The following MYO1B variants were observed in gnomAD, a reference collection of about 807,000 sequenced individuals.
MYO1B encodes the protein myosin IB, also known as unconventional myosin-Ib.
A neutral mutation model predicts 159.7 loss-of-function variants in MYO1B; 72 were observed. The observed-to-expected ratio is 0.45, with a 90% CI of 0.37 to 0.55. The LOEUF is 0.55. Among genes scored for constraint, MYO1B ranks in the 20% least tolerant of loss-of-function variants. The pLI, the probability that MYO1B is intolerant of heterozygous loss-of-function variation, is 0.00. For missense variants in MYO1B, 1,062 were observed against 1,364.8 expected (o/e 0.78, Z 3.50); for synonymous variants, 468 against 473.8 (o/e 0.99, Z 0.16).
intron 7 of MYO1B, among the ~76,000 whole-genome samples, chr2:191,358,791 C>G (rs1330857735): frequency 6.6e-6 from 1 of 152,208 alleles, no homozygotes; most frequent in Non-Finnish European, 1.5e-5. Flanking sequence ...TGGCATCTCA[C>G]TGTGAAGAGA....
intron 7 of MYO1B, among the ~76,000 whole-genome samples, chr2:191,351,536 T>C (rs1490767044): frequency 6.6e-6 from 1 of 152,246 alleles, no homozygotes. Flanking sequence ...AATGATAGGA[T>C]TGAATTGGAT....
chr2:191,276,975 A>T lies in MYO1B; in HGVS notation c.80A>T (p.Asn27Ile). 1 of 1,614,082 alleles carries T rather than the reference A, an allele frequency of 6.2e-7. No homozygotes were observed. The highest frequency in any genetic ancestry group is 1.3e-5 in the African/African-American group (1 of 75,050). ...VGDMVLLEPL[N>I]EETFINNLKK... Reference sequence around the variant, plus strand: ...GATATGGTTCTTTTAGAACCTCTCAATGAGGAGACCTTCATCAACAACCTC... The same window carrying T: ...GATATGGTTCTTTTAGAACCTCTCATTGAGGAGACCTTCATCAACAACCTC... The change falls in exon 2 of 31, where the codon AAT (asparagine) becomes ATT (isoleucine). Residue 27 changes from asparagine (N) to isoleucine (I), a missense_variant. This residue lies in a region of MYO1B where 415 missense variants were observed against 544.0 expected (regional missense o/e 0.76). Coordinates refer to ENST00000392318, the MANE Select transcript of MYO1B (RefSeq NM_001130158.3).
intron 3 of MYO1B, among the ~76,000 whole-genome samples, chr2:191,320,352 A>C (rs1181459379): frequency 6.6e-6 from 1 of 152,100 alleles, no homozygotes; most frequent in Non-Finnish European, 1.5e-5. Context: ...AATTATCTTA[A>C]AATTATTCCC....
intron 20 of MYO1B, among the ~76,000 whole-genome samples, chr2:191,395,149 A>C (rs754773031): frequency 3.9e-5 from 6 of 152,226 alleles, no homozygotes; most frequent in Non-Finnish European, 8.8e-5. Flanking sequence ...TTTATTAATT[A>C]AAAAGGAAAA....
At chr2:191,260,033 C>T (rs1221893230) in intron 1 of MYO1B, among the ~76,000 whole-genome samples, 3 of 151,684 alleles carry the variant, frequency 2.0e-5, no homozygotes, top group Non-Finnish European at 2.9e-5. Context: ...AAGAGGAAGG[C>T]GGAGGATAGA....
Position 191,386,188 on chromosome 2 carries a change from A to G in MYO1B, c.1554+104A>G, listed in dbSNP as rs1478821289. 7 of 1,007,696 alleles carry G rather than the reference A, an allele frequency of 6.9e-6. 1 individual carries two copies. The highest frequency in any genetic ancestry group is 9.0e-6 in the Non-Finnish European group (6 of 668,448). The allele number at this position is 1,007,696 out of a possible 1,614,324, so 62.4% of individuals were successfully genotyped here. On this transcript the variant is annotated intron_variant, in intron 16 of 30. Transcript: ENST00000392318. ...CGAAACCCCATTAACTTGTGAGGAC[A>G]AATTGAGCTGCTAAAGTGGTTGAAT...
Position 191,424,217 on chromosome 2 carries a change from C to G in MYO1B, c.*257C>G, listed in dbSNP as rs868298222. The G allele has an allele frequency of 2.7e-5, 12 of 448,290 alleles. No individual in the cohort carries two copies. In the Middle Eastern group the frequency reaches 1.7e-3, roughly 65 times the overall value. 27.8% of individuals were successfully genotyped at this position (448,290 alleles called of 1,614,324 possible). On this transcript the variant is annotated 3_prime_UTR_variant, in exon 31 of 31. Coordinates refer to ENST00000392318, the MANE Select transcript of MYO1B (RefSeq NM_001130158.3). ...TCTGATGTGTTCTTCCTTTAGTCATCATGTTAGGTCTGTGTACCCTAAATC... is the reference window on the plus strand; with the variant it reads ...TCTGATGTGTTCTTCCTTTAGTCATGATGTTAGGTCTGTGTACCCTAAATC...
At position 191,408,583 on chromosome 2, in the gene MYO1B, A is replaced by T. The variant is rs374681660; in HGVS notation, c.2631+394A>T. Among the ~76,000 whole-genome samples the T allele has an allele frequency of 1.4e-4, 21 of 152,320 alleles. 1 individual carries two copies. The South Asian group carries it at 4.4e-3, about 32-fold the overall frequency. ...AGCCAGGCTGTGCAGCTCCACCCAC[A>T]TGGACTCTGGAGTTCTCCATCTTTC... On this transcript the variant is annotated intron_variant, in intron 25 of 30. Transcript: ENST00000392318.
At chr2:191,341,771 G>C (rs1692240913) in intron 5 of MYO1B, among the ~76,000 whole-genome samples, 1 of 151,882 alleles carries the variant, frequency 6.6e-6, no homozygotes, top group Non-Finnish European at 1.5e-5. Flanking sequence ...ATGTAAAATG[G>C]GCTTCCTCAC....
intron 13 of MYO1B, among the ~76,000 whole-genome samples, chr2:191,371,532 A>G (rs1694365238): frequency 6.6e-6 from 1 of 152,204 alleles, no homozygotes; most frequent in Admixed American, 6.5e-5. Flanking sequence ...CAGATGAGAA[A>G]GTAAAGCTCC....
At chr2:191,403,923 A>G (rs904737586) in intron 24 of MYO1B, among the ~76,000 whole-genome samples, 15 of 152,174 alleles carry the variant, frequency 9.9e-5, no homozygotes, top group Admixed American at 7.9e-4. Context: ...TTAGGGGTGT[A>G]CACTAGCAAC....
chr2:191,327,448 G>T (rs1033802836), intron 3 of MYO1B, among the ~76,000 whole-genome samples: 1 of 152,158 alleles, frequency 6.6e-6, no homozygotes, highest in African/African-American at 2.4e-5. Context: ...ACTTTTATTT[G>T]ATCTTCTAAA....
At chr2:191,334,381 G>T (rs1378864325) in intron 4 of MYO1B, among the ~76,000 whole-genome samples, 5 of 152,106 alleles carry the variant, frequency 3.3e-5, no homozygotes, top group Non-Finnish European at 7.4e-5. Context: ...CTGAAAAACT[G>T]AGTGGAGGTT....
At chr2:191,329,831 C>T in intron 3 of MYO1B, 104 bp from the exon 4 acceptor site, 1 of 837,688 alleles carries the variant, frequency 1.2e-6, no homozygotes, top group Non-Finnish European at 1.8e-6. Context: ...GCTTGCTTTC[C>T]AAAAGCATAT....
In MYO1B at chr2:191,296,176, G is replaced by A. The variant is rs754009081; in HGVS notation, c.201G>A (p.Glu67=). 2 of 1,610,236 alleles carry A rather than the reference G, an allele frequency of 1.2e-6. No individual in the cohort carries two copies. Among genetic ancestry groups the A allele is most frequent in the Non-Finnish European group, 1.7e-6 (2 of 1,177,320 alleles). ...GGTCTTTACCCATTTATTCACCAGAGAAAGTGGAAGAATACAGGAACAGAA... is the reference window on the plus strand; with the variant it reads ...GGTCTTTACCCATTTATTCACCAGAAAAAGTGGAAGAATACAGGAACAGAA... ...PYRSLPIYSP[E]KVEEYRNRNF... The change falls in exon 3 of 31, where the codon GAG becomes GAA. Residue 67 remains glutamate (E), a synonymous_variant. Coordinates refer to ENST00000392318, the MANE Select transcript of MYO1B (RefSeq NM_001130158.3).
intron 22 of MYO1B, 78 bp downstream of exon 22, chr2:191,400,546 A>G (rs770450676): frequency 1.5e-4 from 235 of 1,522,350 alleles, no homozygotes; most frequent in Middle Eastern, 3.5e-4. Context: ...CTTCAGGGGC[A>G]GAAAATGTTT....
chr2:191,416,768 C>T (rs776682228), intron 30 of MYO1B, among the ~76,000 whole-genome samples: 4 of 151,714 alleles, frequency 2.6e-5, no homozygotes, highest in African/African-American at 9.7e-5. Context: ...GAGCCGAGAT[C>T]GTGCCACCGC....
intron 3 of MYO1B, among the ~76,000 whole-genome samples, chr2:191,306,643 C>T (rs2125846752): frequency 6.6e-6 from 1 of 151,752 alleles, no homozygotes; most frequent in African/African-American, 2.4e-5. Flanking sequence ...AGAGGCAAAT[C>T]CATAGGATGC....
intron 1 of MYO1B, among the ~76,000 whole-genome samples, chr2:191,251,878 A>G (rs1574261697): frequency 1.3e-5 from 2 of 152,066 alleles, no homozygotes; most frequent in Admixed American, 1.3e-4. Context: ...CTTAATTGCA[A>G]GATTCCTGCT....
Sources: allele counts gnomAD v4.1 joint callset (sites outside exome capture counted in the v4.1 genomes callset), GRCh38; gene constraint gnomAD v4.1.1; regional missense constraint gnomAD v4.1.1; transcripts MANE v1.5; gene names NCBI Gene and HGNC (gene_info 2026-07-23, HGNC 2026-07-21).